Variants in S100Z observed in about 807,000 individuals in gnomAD.
S100Z encodes the protein S100 calcium binding protein Z.
A neutral mutation model predicts 8.5 loss-of-function variants in S100Z; 11 were observed. The observed-to-expected ratio is 1.30, with a 90% CI of 0.82 to 2.15. S100Z has a LOEUF of 2.15. Ranked by LOEUF, S100Z falls within the 30% of genes most tolerant of loss-of-function variation. The pLI is 0.00. For synonymous variants in S100Z, 34 were observed against 43.8 expected (o/e 0.78, Z 0.89); for missense variants, 126 against 117.9 (o/e 1.07, Z -0.32).
the S100Z span, among the ~76,000 whole-genome samples, chr5:76,951,607 C>T: frequency 6.6e-6 from 1 of 152,172 alleles, no homozygotes; most frequent in Non-Finnish European, 1.5e-5. Flanking sequence ...CTGAAGATGG[C>T]CTGGCATGTT....
At chr5:76,867,707 G>A (rs1742818785) in intron 1 of S100Z, among the ~76,000 whole-genome samples, 2 of 150,820 alleles carry the variant, frequency 1.3e-5, no homozygotes, top group African/African-American at 4.9e-5. Flanking sequence ...TCAGCCTCTC[G>A]AGTAGCTGGG....
intron 1 of S100Z, among the ~76,000 whole-genome samples, chr5:76,851,428 T>C (rs1435973718): frequency 1.3e-5 from 2 of 151,692 alleles, no homozygotes; most frequent in Non-Finnish European, 2.9e-5. Flanking sequence ...AGGCCAGAAG[T>C]GACAAGGGCC....
the S100Z span, among the ~76,000 whole-genome samples, chr5:76,934,528 G>C: frequency 6.6e-6 from 1 of 152,102 alleles, no homozygotes; most frequent in Non-Finnish European, 1.5e-5. Flanking sequence ...CAATGCAACA[G>C]TATTAAGAGG....
chr5:76,863,625 G>A (rs1374989680), intron 1 of S100Z, among the ~76,000 whole-genome samples: 11 of 152,052 alleles, frequency 7.2e-5, no homozygotes, highest in East Asian at 1.9e-4. Flanking sequence ...TGCAAGCTCC[G>A]CCTCCCGGGT....
intron 4 of S100Z, among the ~76,000 whole-genome samples, chr5:76,907,442 T>C (rs1227950153): frequency 1.3e-5 from 2 of 152,124 alleles, no homozygotes; most frequent in Non-Finnish European, 2.9e-5. Context: ...TAGCTGGGAC[T>C]ACAGGGGCCC....
chr5:76,878,054 G>A, intron 4 of S100Z: 1 of 323,528 alleles, frequency 3.1e-6, no homozygotes, highest in Non-Finnish European at 5.6e-6. Context: ...AAACTTGCCT[G>A]TATTATTAAG....
At chr5:76,872,492 T>C (rs891588295) in intron 2 of S100Z, among the ~76,000 whole-genome samples, 5 of 151,578 alleles carry the variant, frequency 3.3e-5, no homozygotes, top group Middle Eastern at 3.2e-3. Flanking sequence ...GGAGACCCCA[T>C]ATCTACAAAA....
chr5:76,911,096 G>A (rs1451191323), intron 4 of S100Z, among the ~76,000 whole-genome samples: 1 of 152,122 alleles, frequency 6.6e-6, no homozygotes, highest in African/African-American at 2.4e-5. Context: ...AGGACAATTT[G>A]GAAGGTCAAA....
intron 1 of S100Z, among the ~76,000 whole-genome samples, chr5:76,863,745 A>T (rs577138120): frequency 3.1e-4 from 47 of 152,036 alleles, no homozygotes; most frequent in Non-Finnish European, 4.9e-4. Context: ...TCACCGTGTT[A>T]GCCAGGATGG....
At chr5:76,934,121 C>T in the S100Z span, among the ~76,000 whole-genome samples, 1 of 152,208 alleles carries the variant, frequency 6.6e-6, no homozygotes, top group Non-Finnish European at 1.5e-5. Context: ...AGGAAGAATT[C>T]ATATCCAGGG....
intron 4 of S100Z, among the ~76,000 whole-genome samples, chr5:76,917,370 T>C (rs1014313759): frequency 6.6e-6 from 1 of 152,200 alleles, no homozygotes; most frequent in Non-Finnish European, 1.5e-5. Context: ...GTCACAATAA[T>C]TCTGAATGAC....
intron 4 of S100Z, among the ~76,000 whole-genome samples, chr5:76,878,463 T>C (rs1743278377): frequency 6.6e-6 from 1 of 152,214 alleles, no homozygotes. Context: ...TTTCCCACTG[T>C]TTCCCCCTGG....
downstream of S100Z, among the ~76,000 whole-genome samples, chr5:76,924,854 G>A (rs1021383178): frequency 3.9e-5 from 6 of 152,088 alleles, no homozygotes; most frequent in East Asian, 1.9e-4. Context: ...TGGAGATTGC[G>A]GTGAGCCAAG....
intron 1 of S100Z, among the ~76,000 whole-genome samples, chr5:76,858,129 T>C (rs965129443): frequency 2.0e-5 from 3 of 152,146 alleles, no homozygotes; most frequent in African/African-American, 7.2e-5. Flanking sequence ...TCCAGAAGTG[T>C]GTGAGAGTGC....
At chr5:76,912,460 T>C (rs1441208709) in intron 4 of S100Z, among the ~76,000 whole-genome samples, 1 of 152,178 alleles carries the variant, frequency 6.6e-6, no homozygotes, top group Admixed American at 6.5e-5. Context: ...ATGTCATAGT[T>C]AATGATGTAA....
the S100Z span, among the ~76,000 whole-genome samples, chr5:76,936,616 T>TACACACACACACACACAC: frequency 9.0e-5 from 12 of 134,068 alleles, 1 homozygote; most frequent in South Asian, 2.7e-4. Flanking sequence ...TTAAAGTTCC[T>TACACACACACACACACAC]ACACACACAC....
At chr5:76,909,707 G>A (rs1447499034) in intron 4 of S100Z, among the ~76,000 whole-genome samples, 29 of 152,132 alleles carry the variant, frequency 1.9e-4, no homozygotes, top group Admixed American at 1.8e-3. Flanking sequence ...TAGGGGGAGG[G>A]GAATTTGGCC....
the S100Z span, among the ~76,000 whole-genome samples, chr5:76,936,612 T>C: frequency 1.0e-5 from 1 of 98,038 alleles, no homozygotes; most frequent in Non-Finnish European, 2.2e-5. Flanking sequence ...TCCATTAAAG[T>C]TCCTACACAC....
intron 1 of S100Z, among the ~76,000 whole-genome samples, chr5:76,867,114 CAAT>C (rs1299147712): frequency 6.6e-6 from 1 of 152,154 alleles, no homozygotes; most frequent in African/African-American, 2.4e-5. Flanking sequence ...AATTGACACA[CAAT>C]AAACTGCACG....
Sources: gnomAD v4.1 joint callset for allele counts (sites outside exome capture counted in the v4.1 genomes callset) on GRCh38, gnomAD v4.1.1 for gene constraint, MANE v1.5 for transcripts, NCBI Gene and HGNC (gene_info 2026-07-23, HGNC 2026-07-21) for gene names.